Variants in ARHGAP10 observed in about 807,000 individuals in gnomAD.
The protein encoded by ARHGAP10 is rho GTPase-activating protein 10.
ARHGAP10 carries 87 observed loss-of-function variants against 108.6 expected under a neutral mutation model. The ratio of observed to expected loss-of-function variants is 0.80; its 90% CI spans 0.67 to 0.96. The LOEUF is 0.96. Among genes scored for constraint, ARHGAP10 ranks in the 40% least tolerant of loss-of-function variants. The probability of loss-of-function intolerance (pLI) is 0.00; values close to 1 mark genes in which losing one functional copy is unlikely to be tolerated. For missense variants in ARHGAP10, 939 were observed against 954.5 expected, an observed-to-expected ratio of 0.98 and a Z score of 0.21; for synonymous variants, 347 against 341.1, an observed-to-expected ratio of 1.02 and a Z score of -0.19.
chr4:148,030,159 G>A (rs1728078608), intron 19 of ARHGAP10, among the ~76,000 whole-genome samples: 1 of 151,968 alleles, frequency 6.6e-6, no homozygotes, highest in South Asian at 2.1e-4. Context: ...AAAATACATA[G>A]CTGCTTCTGT....
At chr4:147,801,263 T>A (rs566827248) in intron 1 of ARHGAP10, among the ~76,000 whole-genome samples, 48 of 152,352 alleles carry the variant, frequency 3.2e-4, no homozygotes, top group African/African-American at 1.1e-3. Context: ...GTCCTGGGGC[T>A]CTATTGGTCG....
At chr4:147,866,844 A>G (rs766477897) in intron 7 of ARHGAP10, 28 bp downstream of exon 7, 24 of 1,523,206 alleles carry the variant, frequency 1.6e-5, no homozygotes, top group Non-Finnish European at 2.2e-5. Flanking sequence ...TTCTTTATAA[A>G]AAGATGTTTG....
chr4:147,968,315 T>C (rs1314328447), intron 18 of ARHGAP10, among the ~76,000 whole-genome samples: 1 of 152,234 alleles, frequency 6.6e-6, no homozygotes, highest in Non-Finnish European at 1.5e-5. Context: ...TGCTGACTCA[T>C]AGTTAAAAGT....
At chr4:147,873,681 A>ACACACACACAC (rs1734934734) in intron 7 of ARHGAP10, among the ~76,000 whole-genome samples, 2 of 98,748 alleles carry the variant, frequency 2.0e-5, no homozygotes, top group Non-Finnish European at 4.0e-5. Flanking sequence ...CAAAAAACAA[A>ACACACACACAC]ACACACACAC....
intron 18 of ARHGAP10, among the ~76,000 whole-genome samples, chr4:148,003,775 C>G (rs895033178): frequency 1.1e-4 from 17 of 152,290 alleles, no homozygotes; most frequent in Admixed American, 1.0e-3. Context: ...AGATCTTCCT[C>G]CATCCCTTTA....
chr4:147,745,617 G>T (rs1420183086), intron 1 of ARHGAP10, among the ~76,000 whole-genome samples: 2 of 152,068 alleles, frequency 1.3e-5, no homozygotes, highest in African/African-American at 4.8e-5. Context: ...TCAGCCTCCC[G>T]AGTAGCTGGG....
At chr4:147,857,294 G>A (rs2126832637) in intron 4 of ARHGAP10, among the ~76,000 whole-genome samples, 1 of 152,266 alleles carries the variant, frequency 6.6e-6, no homozygotes, top group Non-Finnish European at 1.5e-5. Flanking sequence ...ACATTGCTAA[G>A]TCTGAAGAAC....
intron 5 of ARHGAP10, chr4:147,864,236 C>T (rs1177045086): frequency 6.6e-6 from 1 of 152,414 alleles, no homozygotes; most frequent in Non-Finnish European, 1.5e-5. Flanking sequence ...AGCGTCCTGA[C>T]CAGCTGGTGC....
At chr4:147,754,988 A>G (rs1225951164) in intron 1 of ARHGAP10, among the ~76,000 whole-genome samples, 6 of 152,070 alleles carry the variant, frequency 3.9e-5, no homozygotes, top group Non-Finnish European at 8.8e-5. Context: ...AGGCTGAGGC[A>G]GGAGAATTGC....
chr4:148,032,339 C>T (rs906234219), intron 19 of ARHGAP10, among the ~76,000 whole-genome samples: 1 of 76,056 alleles, frequency 1.3e-5, no homozygotes, highest in Non-Finnish European at 2.9e-5. Context: ...CCCCCCCCCC[C>T]CCCCCCCATA....
intron 1 of ARHGAP10, among the ~76,000 whole-genome samples, chr4:147,813,425 G>T (rs760857499): frequency 6.6e-6 from 1 of 152,140 alleles, no homozygotes; most frequent in South Asian, 2.1e-4. Flanking sequence ...ATGGCCTTCC[G>T]TGGGAAAAAC....
At chr4:147,948,779 AC>A (rs1350002600) in intron 15 of ARHGAP10, among the ~76,000 whole-genome samples, 1 of 150,874 alleles carries the variant, frequency 6.6e-6, no homozygotes, top group Non-Finnish European at 1.5e-5. Context: ...ACACGGTGAA[AC>A]CCCGTCTCTA....
At position 147,732,348 on chromosome 4, in the gene ARHGAP10, C is replaced by G; in HGVS notation, c.47C>G (p.Pro16Arg). Reference protein sequence around the residue: ...LEFSDCYLDSPWFRERIRAHE... With the variant: ...LEFSDCYLDSRWFRERIRAHE... ...TTCAGCGACTGCTACCTCGACAGCC[C>G]GTGGTTCCGGGAGAGGATCCGCGCT... is the stretch of plus-strand genomic sequence containing the variant. The change falls in exon 1 of 23, where the codon CCG becomes CGG. Residue 16 changes from proline (P) to arginine (R), a missense_variant. Coordinates refer to ENST00000336498, the MANE Select transcript of ARHGAP10 (RefSeq NM_024605.4). 1 of 1,613,340 alleles carries G rather than the reference C, an allele frequency of 6.2e-7. No homozygotes were observed. Among genetic ancestry groups the G allele is most frequent in the Non-Finnish European group, 8.5e-7 (1 of 1,179,594 alleles).
At chr4:147,813,372 G>C (rs906130668) in intron 1 of ARHGAP10, among the ~76,000 whole-genome samples, 1 of 152,142 alleles carries the variant, frequency 6.6e-6, no homozygotes, top group African/African-American at 2.4e-5. Flanking sequence ...TTCCTGGGGT[G>C]GCTGATTTGA....
At chr4:147,822,255 A>G (rs1031743005) in intron 1 of ARHGAP10, among the ~76,000 whole-genome samples, 2 of 152,068 alleles carry the variant, frequency 1.3e-5, no homozygotes, top group African/African-American at 4.8e-5. Context: ...TGGAGTGGTT[A>G]TTTGGCAATT....
intron 13 of ARHGAP10, among the ~76,000 whole-genome samples, chr4:147,925,533 A>T (rs1421511040): frequency 6.6e-6 from 1 of 152,178 alleles, no homozygotes; most frequent in Non-Finnish European, 1.5e-5. Context: ...GCTTACTTTA[A>T]TACTTACCTA....
Position 148,046,126 on chromosome 4 carries a change from C to G in ARHGAP10, c.1868-766C>G, listed in dbSNP as rs531801657. 5.9e-5 allele frequency among the ~76,000 whole-genome samples: 9 copies of G among 152,280 alleles called. No homozygotes were observed. The South Asian group carries it at 1.0e-3, about 18-fold the overall frequency. On this transcript the variant is annotated intron_variant, in intron 19 of 22. Coordinates refer to ENST00000336498, the MANE Select transcript of ARHGAP10 (RefSeq NM_024605.4). Reference sequence around the variant, plus strand: ...TGGGAGGACTGTGAAAGCAAGAAGACCAATAGAGGGAAATAACTGCTCTTG... The same window carrying G: ...TGGGAGGACTGTGAAAGCAAGAAGAGCAATAGAGGGAAATAACTGCTCTTG...
At chr4:147,812,658 T>G (rs943456952) in intron 1 of ARHGAP10, among the ~76,000 whole-genome samples, 2 of 152,198 alleles carry the variant, frequency 1.3e-5, no homozygotes, top group African/African-American at 4.8e-5. Flanking sequence ...TTCACATACA[T>G]TTTACAAGGA....
intron 10 of ARHGAP10, 55 bp from the exon 11 acceptor site, chr4:147,906,583 A>G (rs1470175884): frequency 6.3e-7 from 1 of 1,579,820 alleles, no homozygotes; most frequent in Non-Finnish European, 8.7e-7. Flanking sequence ...ATCTTAGGAA[A>G]AACTTGCCTT....
Sources: allele counts gnomAD v4.1 joint callset (sites outside exome capture counted in the v4.1 genomes callset), GRCh38; gene constraint gnomAD v4.1.1; transcripts MANE v1.5; gene names NCBI Gene and HGNC (gene_info 2026-07-23, HGNC 2026-07-21).